Variants in LOC101059915 observed in about 807,000 individuals in gnomAD.
chrX:71,669,779 G>T, the LOC101059915 span: 15 of 927,443 alleles, frequency 1.6e-5, no homozygotes, highest in East Asian at 6.2e-4. Context: ...CTCTGGCTCT[G>T]TCGCTTCTGG....
chrX:71,668,978 A>G, the LOC101059915 span: 2 of 1,164,462 alleles, frequency 1.7e-6, no homozygotes, highest in Non-Finnish European at 2.3e-6. Flanking sequence ...AAGACCAGGG[A>G]GTCCCAGGCT....
the LOC101059915 span, chrX:71,667,790 G>C: frequency 7.6e-6 from 8 of 1,050,448 alleles, no homozygotes; most frequent in East Asian, 2.2e-4. Context: ...TGGCTGTCTA[G>C]ACTGGCGGGC....
the LOC101059915 span, chrX:71,671,380 T>C: frequency 2.5e-3 from 1,754 of 693,687 alleles, 26 homozygotes; most frequent in African/African-American, 0.034. Context: ...TCCTACAAGA[T>C]GAGCAGCTGC....
chrX:71,670,292 G>A, the LOC101059915 span: 695 of 1,164,152 alleles, frequency 6.0e-4, 3 homozygotes, highest in African/African-American at 0.011. Flanking sequence ...CCCCAAGACC[G>A]GAAAGGCAGC....
At chrX:71,670,304 G>C in the LOC101059915 span, 2 of 1,164,057 alleles carry the variant, frequency 1.7e-6, no homozygotes, top group African/African-American at 3.6e-5. Flanking sequence ...AAAGGCAGCA[G>C]CAGCCCCCGG....
the LOC101059915 span, chrX:71,669,137 G>T: frequency 5.4e-5 from 54 of 1,006,250 alleles, no homozygotes; most frequent in Admixed American, 1.0e-4. Context: ...TCCAGCACAC[G>T]CCTCTTTGCC....
At chrX:71,671,023 A>G in the LOC101059915 span, 2 of 752,623 alleles carry the variant, frequency 2.7e-6, no homozygotes, top group African/African-American at 4.6e-5. Context: ...GGATGGCCCA[A>G]CACCTGAGAA....
At chrX:71,668,649 G>T in the LOC101059915 span, 1 of 1,077,995 alleles carries the variant, frequency 9.3e-7, no homozygotes, top group African/African-American at 1.9e-5. Flanking sequence ...TGGGAGAGCT[G>T]GACGTGCCTT....
the LOC101059915 span, chrX:71,670,684 G>T: frequency 9.0e-7 from 1 of 1,115,770 alleles, no homozygotes; most frequent in Admixed American, 3.5e-5. Flanking sequence ...GCTGGGGCAG[G>T]GATGGACAGC....
chrX:71,670,182 G>C, the LOC101059915 span: 144 of 1,122,008 alleles, frequency 1.3e-4, no homozygotes, highest in Non-Finnish European at 1.7e-4. Flanking sequence ...GGGTGATGGT[G>C]CCTCACTTTA....
chrX:71,667,871 G>T, the LOC101059915 span: 4 of 1,105,336 alleles, frequency 3.6e-6, no homozygotes, highest in Admixed American at 1.1e-4. Context: ...GAGCAGGCCG[G>T]CGCCCACACC....
At chrX:71,669,516 GC>G in the LOC101059915 span, 1 of 951,637 alleles carries the variant, frequency 1.1e-6, no homozygotes, top group African/African-American at 2.0e-5. Context: ...TGTACTCACC[GC>G]CCGTCCCCAC....
At chrX:71,669,466 T>G in the LOC101059915 span, 1 of 747,827 alleles carries the variant, frequency 1.3e-6, no homozygotes, top group Non-Finnish European at 1.7e-6. Flanking sequence ...GTTAATAAGA[T>G]TAGTCTGGGG....
the LOC101059915 span, chrX:71,670,148 C>T: frequency 2.0e-6 from 2 of 978,569 alleles, no homozygotes; most frequent in East Asian, 6.7e-5. Flanking sequence ...CTAGGCAGAG[C>T]AGGGGCAACA....
chrX:71,667,956 T>TAAGGGC, the LOC101059915 span: 1 of 1,152,557 alleles, frequency 8.7e-7, no homozygotes, highest in Non-Finnish European at 1.2e-6. Context: ...GTGGCAAGGG[T>TAAGGGC]AAGGGCAAGG....
the LOC101059915 span, chrX:71,667,938 G>A: frequency 1.0e-5 from 12 of 1,149,025 alleles, no homozygotes; most frequent in Non-Finnish European, 1.4e-5. Context: ...ATTTTGGGGG[G>A]CAGCGCAGTG....
chrX:71,669,563 C>T, the LOC101059915 span: 41,833 of 957,756 alleles, frequency 0.044, 788 homozygotes, highest in Admixed American at 0.14. Context: ...TTTTAGCTTC[C>T]CACACAGAAG....
the LOC101059915 span, chrX:71,669,136 C>G: frequency 2.2e-5 from 22 of 1,014,063 alleles, no homozygotes; most frequent in Admixed American, 4.4e-4. Flanking sequence ...TTCCAGCACA[C>G]GCCTCTTTGC....
chrX:71,670,580 C>A, the LOC101059915 span: 1 of 1,099,265 alleles, frequency 9.1e-7, no homozygotes. Context: ...ATTGACTAAC[C>A]ATTTCTTTTC....
Sources: gnomAD v4.1 joint callset for allele counts on GRCh38, gnomAD v4.1.1 for gene constraint, MANE v1.5 for transcripts.